Variants in IL1R2 observed in about 807,000 individuals in gnomAD.
IL1R2 encodes interleukin 1 receptor type 2, also known as interleukin-1 receptor type 2.
A neutral mutation model predicts 39.5 loss-of-function variants in IL1R2; 46 were observed. The ratio of observed to expected loss-of-function variants is 1.16; its 90% CI spans 0.92 to 1.49. IL1R2 has a LOEUF of 1.49. IL1R2 is among the 40% of genes most tolerant of loss of function. The pLI is 0.00. For missense variants in IL1R2, 537 were observed against 502.0 expected (o/e 1.07, Z -0.67); for synonymous variants, 207 against 189.6 (o/e 1.09, Z -0.75).
At chr2:102,000,571 A>G (rs1675805366) in intron 1 of IL1R2, among the ~76,000 whole-genome samples, 1 of 152,232 alleles carries the variant, frequency 6.6e-6, no homozygotes, top group Non-Finnish European at 1.5e-5. Flanking sequence ...CAAGACTGGC[A>G]GTGTGCATCT....
At chr2:102,018,399 G>A (rs150092242) in intron 4 of IL1R2, among the ~76,000 whole-genome samples, 50 of 152,278 alleles carry the variant, frequency 3.3e-4, no homozygotes, top group Non-Finnish European at 6.6e-4. Context: ...TCCACCTCTC[G>A]AACCTGTTTC....
chr2:102,013,407 G>A (rs3218881), intron 3 of IL1R2, among the ~76,000 whole-genome samples: 4,120 of 151,532 alleles, frequency 0.027, 187 homozygotes, highest in African/African-American at 0.093. Context: ...CTAGAACCAC[G>A]TGGTGAGTCA....
At chr2:102,000,029 C>T (rs73943933) in intron 1 of IL1R2, among the ~76,000 whole-genome samples, 4,624 of 152,174 alleles carry the variant, frequency 0.03, 222 homozygotes, top group African/African-American at 0.098. Flanking sequence ...ACTACAATAC[C>T]GACGAGTTCT....
At chr2:102,022,801 G>T (rs1677484628) in intron 6 of IL1R2, among the ~76,000 whole-genome samples, 1 of 152,158 alleles carries the variant, frequency 6.6e-6, no homozygotes, top group African/African-American at 2.4e-5. Context: ...GCCAGCACAG[G>T]TCCACACTAG....
At chr2:102,021,023 A>G (rs551320247) in intron 5 of IL1R2, among the ~76,000 whole-genome samples, 6 of 152,290 alleles carry the variant, frequency 3.9e-5, no homozygotes, top group Admixed American at 6.5e-5. Flanking sequence ...AGAAGCACTG[A>G]GATCCTGGAG....
rs755464376 is a variant in IL1R2, at chr2:102,009,623, G to A, written c.129G>A (p.Gly43=). 8 of 1,614,064 alleles carry A rather than the reference G, an allele frequency of 5.0e-6. No homozygotes were observed. Among genetic ancestry groups the A allele is most frequent in the Non-Finnish European group, 6.8e-6 (8 of 1,180,038 alleles). Residue 43 remains glycine, a synonymous_variant, in exon 3 of 9, where the codon GGG becomes GGA. Transcript: ENST00000332549. The part of the protein sequence containing the change: ...RHYKREFRLE[G]EPVALRCPQV... ...ACAAGCGGGAGTTCAGGCTGGAAGG[G>A]GAGCCTGTAGCCCTGAGGTGCCCCC...
chr2:102,000,170 G>A (rs1422895902), intron 1 of IL1R2, among the ~76,000 whole-genome samples: 1 of 152,192 alleles, frequency 6.6e-6, no homozygotes, highest in African/African-American at 2.4e-5. Context: ...ACCGGGCTCT[G>A]CTTCTGTAAA....
chr2:102,014,594 ATTC>A (rs776930407), intron 3 of IL1R2, among the ~76,000 whole-genome samples: 1 of 152,150 alleles, frequency 6.6e-6, no homozygotes. Flanking sequence ...ATTTAAATTA[ATTC>A]TTCTTACTTT....
At chr2:102,028,027 C>G (rs531603915) in intron 8 of IL1R2, among the ~76,000 whole-genome samples, 199 bp from the exon 9 acceptor site, 1 of 152,344 alleles carries the variant, frequency 6.6e-6, no homozygotes, top group East Asian at 1.9e-4. Flanking sequence ...CCCTATCACG[C>G]TCGTTTCTCT....
intron 3 of IL1R2, among the ~76,000 whole-genome samples, chr2:102,012,938 G>T (rs573551042): frequency 6.6e-6 from 1 of 152,252 alleles, no homozygotes; most frequent in East Asian, 1.9e-4. Context: ...ACTTTTATGG[G>T]TGTTAGTTTT....
At position 102,028,485 on chromosome 2, in the gene IL1R2, C is replaced by A; in HGVS notation, c.*93C>A. 9.1e-7 allele frequency: 1 copy of A among 1,101,664 alleles called. No individual in the cohort carries two copies. The highest frequency in any genetic ancestry group is 1.3e-6 in the Non-Finnish European group (1 of 790,600). The allele number at this position is 1,101,664 out of a possible 1,614,324, so 68.2% of individuals were successfully genotyped here. On this transcript the variant is annotated 3_prime_UTR_variant, in exon 9 of 9. Coordinates refer to ENST00000332549, the MANE Select transcript of IL1R2 (RefSeq NM_004633.4). Reference sequence around the variant, plus strand: ...TTTTGAGGGACTCTGTTCTTTGCCTCAGTTGTCTACCAAAGGTGCCACATT... The same window carrying A: ...TTTTGAGGGACTCTGTTCTTTGCCTAAGTTGTCTACCAAAGGTGCCACATT...
At chr2:101,998,552 G>A (rs1675697431) in intron 1 of IL1R2, among the ~76,000 whole-genome samples, 1 of 152,192 alleles carries the variant, frequency 6.6e-6, no homozygotes, top group Admixed American at 6.5e-5. Flanking sequence ...CGAATTTGAG[G>A]GCTCAACTAG....
chr2:102,025,831 A>G (rs1440437734), intron 7 of IL1R2, among the ~76,000 whole-genome samples: 1 of 152,010 alleles, frequency 6.6e-6, no homozygotes, highest in East Asian at 1.9e-4. Context: ...TCATTAAGAG[A>G]CTTAAAAGAT....
intron 1 of IL1R2, among the ~76,000 whole-genome samples, chr2:102,003,993 A>ATGTCTATGTCTG (rs2150426016): frequency 9.8e-6 from 1 of 102,016 alleles, no homozygotes; most frequent in South Asian, 2.6e-4. Flanking sequence ...GTCTGGGTCT[A>ATGTCTATGTCTG]TGTCTATGTC....
rs538224389 is a variant in IL1R2, at chr2:102,019,744, G to T, written c.620G>T (p.Cys207Phe). ...VALEDAGYYR[C>F]VLTFAHEGQQ... ...CTGGAAGATGCTGGCTATTACCGCT[G>T]TGTCCTGACATTTGCCCATGAAGGC... Residue 207 changes from cysteine (C) to phenylalanine (F), a missense_variant, in exon 5 of 9, where the codon TGT becomes TTT. Cys to Phe is a radical substitution (Grantham distance 205, BLOSUM62 -2). Coordinates refer to ENST00000332549, the MANE Select transcript of IL1R2 (RefSeq NM_004633.4). 1 of 1,614,192 alleles carries T rather than the reference G, an allele frequency of 6.2e-7. No individual in the cohort carries two copies. The highest frequency in any genetic ancestry group is 8.5e-7 in the Non-Finnish European group (1 of 1,180,016).
At chr2:102,018,120 G>C (rs1277040824) in intron 4 of IL1R2, among the ~76,000 whole-genome samples, 1 of 152,140 alleles carries the variant, frequency 6.6e-6, no homozygotes, top group Non-Finnish European at 1.5e-5. Flanking sequence ...CTTTTTAATA[G>C]AGATAGGGTC....
chr2:102,003,790 G>C (rs1331974017), intron 1 of IL1R2, among the ~76,000 whole-genome samples: 1 of 3,334 alleles, frequency 3.0e-4, no homozygotes, highest in Non-Finnish European at 6.5e-4. Context: ...ATATCTCTCT[G>C]TGTCTGTGTC....
At chr2:101,996,504 T>TTTTTC (rs1675597231) in intron 1 of IL1R2, among the ~76,000 whole-genome samples, 1 of 144,742 alleles carries the variant, frequency 6.9e-6, no homozygotes, top group South Asian at 2.2e-4. Context: ...TTTTTTTTTT[T>TTTTTC]TGGGGGGGAG....
At chr2:102,008,134 T>C (rs1015157643) in intron 1 of IL1R2, among the ~76,000 whole-genome samples, 2 of 151,758 alleles carry the variant, frequency 1.3e-5, no homozygotes, top group Non-Finnish European at 2.9e-5. Context: ...CAATTTTAGA[T>C]AGGGAGGTGA....
Sources: gnomAD v4.1 joint callset for allele counts (sites outside exome capture counted in the v4.1 genomes callset) on GRCh38, gnomAD v4.1.1 for gene constraint, MANE v1.5 for transcripts, NCBI Gene and HGNC (gene_info 2026-07-23, HGNC 2026-07-21) for gene names.